CCDC171: variants seen among roughly 807,000 people sequenced by gnomAD.
CCDC171 encodes coiled-coil domain containing 171, also known as coiled-coil domain-containing protein 171.
CCDC171 carries 177 observed loss-of-function variants against 168.2 expected under a neutral mutation model. That is an observed-to-expected ratio of 1.05 (90% confidence interval 0.93 to 1.19). CCDC171 has a LOEUF of 1.19. Ranked by LOEUF, CCDC171 falls within the 50% of genes most tolerant of loss-of-function variation. The pLI, the probability that CCDC171 is intolerant of heterozygous loss-of-function variation, is 0.00. For missense variants in CCDC171, 1,991 were observed against 1,539.0 expected (o/e 1.29, Z -4.91); for synonymous variants, 687 against 540.8 (o/e 1.27, Z -3.75).
At chr9:15,718,105 G>T (rs1375916170) in intron 11 of CCDC171, among the ~76,000 whole-genome samples, 1 of 152,106 alleles carries the variant, frequency 6.6e-6, no homozygotes, top group Non-Finnish European at 1.5e-5. Context: ...GGAGTCTGCT[G>T]CCCTGAAGGA....
chr9:15,658,626 A>G (rs1448615485), intron 8 of CCDC171, among the ~76,000 whole-genome samples: 1 of 152,170 alleles, frequency 6.6e-6, no homozygotes, highest in Non-Finnish European at 1.5e-5. Context: ...AAGAGTCCTT[A>G]TAACAGGGAG....
intron 1 of CCDC171, among the ~76,000 whole-genome samples, chr9:16,044,777 C>A (rs1022025256): frequency 6.6e-6 from 1 of 152,136 alleles, no homozygotes; most frequent in Non-Finnish European, 1.5e-5. Context: ...TCCCATGATG[C>A]CCCATGAACT....
At chr9:15,739,712 T>C (rs949418435) in intron 16 of CCDC171, among the ~76,000 whole-genome samples, 3 of 151,812 alleles carry the variant, frequency 2.0e-5, no homozygotes, top group African/African-American at 7.3e-5. Flanking sequence ...ATTGGAAACT[T>C]TGAGACAAAA....
chr9:15,923,465 A>G (rs574975587), intron 25 of CCDC171, among the ~76,000 whole-genome samples: 1 of 151,470 alleles, frequency 6.6e-6, no homozygotes, highest in Non-Finnish European at 1.5e-5. Context: ...CATAGTAGAG[A>G]ACAGATTGGT....
chr9:15,601,185 C>T (rs1416773377), intron 6 of CCDC171, among the ~76,000 whole-genome samples: 1 of 152,182 alleles, frequency 6.6e-6, no homozygotes, highest in Admixed American at 6.5e-5. Context: ...GAACCCGGTA[C>T]CTGAGTTGGA....
intron 21 of CCDC171, among the ~76,000 whole-genome samples, chr9:15,803,297 A>G (rs1310918502): frequency 1.3e-5 from 2 of 151,522 alleles, no homozygotes. Flanking sequence ...TTTTGTTGCA[A>G]TTGCTTTTGG....
intron 3 of CCDC171, among the ~76,000 whole-genome samples, chr9:16,001,730 T>A (rs1252588273): frequency 6.6e-6 from 1 of 152,104 alleles, no homozygotes; most frequent in Non-Finnish European, 1.5e-5. Context: ...GATGCTGGTG[T>A]AAACAAACCT....
chr9:15,910,968 C>T lies in CCDC171; in HGVS notation c.3601-9302C>T, dbSNP rs191469884. 2.1e-3 allele frequency among the ~76,000 whole-genome samples: 321 copies of T among 152,192 alleles called. 2 individuals are homozygous for T. Among genetic ancestry groups the T allele is most frequent in the African/African-American group, 6.4e-3 (267 of 41,528 alleles). On this transcript the variant is annotated intron_variant, in intron 24 of 25. Coordinates refer to ENST00000380701, the MANE Select transcript of CCDC171 (RefSeq NM_173550.4). ...CATTGATGGACATTTGGGTTGGTTC[C>T]GAGTCTTTGCTATTGTGAACAGTGC... is the stretch of plus-strand genomic sequence containing the variant.
intron 3 of CCDC171, among the ~76,000 whole-genome samples, chr9:16,006,925 A>G (rs1457243073): frequency 6.6e-6 from 1 of 152,186 alleles, no homozygotes; most frequent in Admixed American, 6.5e-5. Context: ...AGCATGATTT[A>G]TAGTCCTTTG....
intron 21 of CCDC171, among the ~76,000 whole-genome samples, chr9:15,839,659 A>T (rs1376135682): frequency 6.6e-6 from 1 of 152,182 alleles, no homozygotes; most frequent in Non-Finnish European, 1.5e-5. Flanking sequence ...CCTAGTGATT[A>T]TAAGGGAAAT....
intron 14 of CCDC171, among the ~76,000 whole-genome samples, chr9:15,727,047 C>A (rs2053852467): frequency 2.0e-5 from 3 of 152,224 alleles, no homozygotes; most frequent in South Asian, 4.1e-4. Flanking sequence ...AGTCATTCAG[C>A]AATGGATAGT....
intron 18 of CCDC171, among the ~76,000 whole-genome samples, chr9:15,754,043 T>G (rs563853857): frequency 1.3e-5 from 2 of 152,264 alleles, no homozygotes; most frequent in South Asian, 4.1e-4. Flanking sequence ...ATTTTTGTAG[T>G]AGAAATTTCA....
At position 15,994,734 on chromosome 9, in the gene CCDC171, A is replaced by G. The variant is rs559617613; in HGVS notation, n.369-25855A>G. 5.9e-5 allele frequency among the ~76,000 whole-genome samples: 9 copies of G among 152,294 alleles called. No homozygotes were observed. In the South Asian group the frequency reaches 1.9e-3, roughly 32 times the overall value. ...TCTGCAGTGTTAACAACGTCATCTC[A>G]GTCATCACTATTCTTACAATCACCT... On this transcript the variant is annotated intron_variant and non_coding_transcript_variant, in intron 3 of 9. Coordinates refer to the CCDC171 transcript ENST00000486641.
intron 4 of CCDC171, among the ~76,000 whole-genome samples, chr9:15,589,579 T>C (rs1354911118): frequency 1.3e-5 from 2 of 152,240 alleles, no homozygotes; most frequent in African/African-American, 4.8e-5. Flanking sequence ...ATAGTGGCTT[T>C]CTGATTTTGG....
At chr9:15,950,019 G>T (rs528789615) in intron 25 of CCDC171, among the ~76,000 whole-genome samples, 28 of 152,044 alleles carry the variant, frequency 1.8e-4, no homozygotes, top group African/African-American at 5.8e-4. Context: ...GCATGAAGGA[G>T]TATCAGCGAT....
intron 1 of CCDC171, among the ~76,000 whole-genome samples, chr9:15,559,423 G>A (rs1364822421): frequency 6.6e-6 from 1 of 152,126 alleles, no homozygotes; most frequent in Admixed American, 6.5e-5. Context: ...CTCCCGTATT[G>A]GGTGCATATA....
intron 6 of CCDC171, among the ~76,000 whole-genome samples, chr9:15,605,009 C>A (rs1479217590): frequency 6.6e-6 from 1 of 152,112 alleles, no homozygotes; most frequent in Non-Finnish European, 1.5e-5. Flanking sequence ...CCTTTGCCTA[C>A]CTCAGCCTCC....
intron 6 of CCDC171, among the ~76,000 whole-genome samples, chr9:15,607,238 G>A (rs1452099861): frequency 6.6e-6 from 1 of 152,022 alleles, no homozygotes; most frequent in East Asian, 1.9e-4. Context: ...TATGTTTACT[G>A]GAACTGGAAA....
intron 18 of CCDC171, among the ~76,000 whole-genome samples, chr9:15,757,724 C>T (rs370556285): frequency 6.6e-6 from 1 of 152,124 alleles, no homozygotes; most frequent in African/African-American, 2.4e-5. Flanking sequence ...TGTCCAGTCC[C>T]AGGGTCCCCC....
Sources: gnomAD v4.1 joint callset for allele counts (sites outside exome capture counted in the v4.1 genomes callset) on GRCh38, gnomAD v4.1.1 for gene constraint, MANE v1.5 for transcripts, NCBI Gene and HGNC (gene_info 2026-07-23, HGNC 2026-07-21) for gene names.